The following APBA1 variants were observed in gnomAD, a reference collection of about 807,000 sequenced individuals.
The protein encoded by APBA1 is amyloid beta precursor protein binding family A member 1, also known as amyloid-beta A4 precursor protein-binding family A member 1.
Under a neutral mutation model 86.6 loss-of-function variants are expected in APBA1, and 55 were observed. The ratio of observed to expected loss-of-function variants is 0.64; its 90% CI spans 0.51 to 0.80. APBA1 has a LOEUF of 0.80. Ranked by LOEUF, APBA1 falls within the 30% of genes least tolerant of loss-of-function variation. APBA1 has a pLI of 0.00. For missense variants in APBA1, 1,090 were observed against 1,183.0 expected, an observed-to-expected ratio of 0.92 and a Z score of 1.15; for synonymous variants, 511 against 493.9, an observed-to-expected ratio of 1.03 and a Z score of -0.46.
chr9:69,653,408 C>T (rs1823547139), intron 1 of APBA1, among the ~76,000 whole-genome samples: 1 of 152,156 alleles, frequency 6.6e-6, no homozygotes, highest in African/African-American at 2.4e-5. Flanking sequence ...ATCATCCAGA[C>T]AGTAAATCAA....
chr9:69,627,211 C>G (rs1822950724), intron 1 of APBA1, among the ~76,000 whole-genome samples: 2 of 152,086 alleles, frequency 1.3e-5, no homozygotes, highest in African/African-American at 4.8e-5. Context: ...AAAAATTACA[C>G]TGTTTTTTCA....
chr9:69,442,845 C>A (rs1283630982), intron 10 of APBA1, among the ~76,000 whole-genome samples: 3 of 152,184 alleles, frequency 2.0e-5, no homozygotes, highest in Non-Finnish European at 4.4e-5. Context: ...GACATAGACA[C>A]AGATTGCTTT....
At chr9:69,642,657 TAGAG>T (rs1265757627) in intron 1 of APBA1, among the ~76,000 whole-genome samples, 1 of 151,812 alleles carries the variant, frequency 6.6e-6, no homozygotes, top group African/African-American at 2.4e-5. Flanking sequence ...TAGAGAGAGA[TAGAG>T]AGAAATAAAG....
At chr9:69,457,852 AAG>A (rs2133817013) in intron 6 of APBA1, among the ~76,000 whole-genome samples, 1 of 152,292 alleles carries the variant, frequency 6.6e-6, no homozygotes, top group African/African-American at 2.4e-5. Flanking sequence ...AAACAGACTC[AAG>A]TCCCTGCCAC....
Position 69,431,000 on chromosome 9 carries a change from G to A in APBA1, c.*327C>T. 1 of 262,156 alleles carries A rather than the reference G, an allele frequency of 3.8e-6. No individual in the cohort carries two copies. Among genetic ancestry groups the A allele is most frequent in the Non-Finnish European group, 7.2e-6 (1 of 139,306 alleles). The allele number at this position is 262,156 out of a possible 1,614,324, so 16.2% of individuals were successfully genotyped here. On this transcript the variant is annotated 3_prime_UTR_variant, in exon 13 of 13. Coordinates refer to ENST00000265381, the MANE Select transcript of APBA1 (RefSeq NM_001163.4). ...TTAAGAAGTCTGCACCTCCTGGGAA[G>A]GGAGGATTCTCCCTCAAGCAGTGAC...
intron 10 of APBA1, among the ~76,000 whole-genome samples, chr9:69,441,518 T>C (rs985006213): frequency 2.6e-5 from 4 of 152,246 alleles, no homozygotes; most frequent in African/African-American, 9.6e-5. Flanking sequence ...AAATGGACTT[T>C]TCTTCTGAAA....
intron 2 of APBA1, among the ~76,000 whole-genome samples, chr9:69,505,380 AGTGCAGT>A (rs1835942360): frequency 6.6e-6 from 1 of 152,096 alleles, no homozygotes; most frequent in Non-Finnish European, 1.5e-5. Context: ...AGGATGAGGA[AGTGCAGT>A]CTTCTCCATG....
At chr9:69,476,978 T>C (rs1475216017) in intron 2 of APBA1, among the ~76,000 whole-genome samples, 1 of 152,178 alleles carries the variant, frequency 6.6e-6, no homozygotes, top group African/African-American at 2.4e-5. Context: ...AGCACAGGGA[T>C]GGGACTGATA....
chr9:69,549,814 G>A (rs2133927052), intron 1 of APBA1, among the ~76,000 whole-genome samples: 1 of 152,308 alleles, frequency 6.6e-6, no homozygotes, highest in East Asian at 1.9e-4. Flanking sequence ...CTTACATTGG[G>A]ACAGAGGAGA....
intron 1 of APBA1, among the ~76,000 whole-genome samples, chr9:69,635,822 A>T (rs541701146): frequency 6.6e-6 from 1 of 152,294 alleles, no homozygotes; most frequent in African/African-American, 2.4e-5. Flanking sequence ...TGCACCCAAC[A>T]CTGAAAACTC....
At chr9:69,567,017 T>C (rs1375588437) in intron 1 of APBA1, among the ~76,000 whole-genome samples, 1 of 152,188 alleles carries the variant, frequency 6.6e-6, no homozygotes, top group African/African-American at 2.4e-5. Flanking sequence ...CTTGAATGAA[T>C]GGAGAAATAC....
chr9:69,519,013 T>C (rs536117967), intron 1 of APBA1, among the ~76,000 whole-genome samples: 108 of 152,350 alleles, frequency 7.1e-4, no homozygotes, highest in African/African-American at 2.5e-3. Context: ...GAACAATCTT[T>C]ATTGCTTCGC....
intron 1 of APBA1, among the ~76,000 whole-genome samples, chr9:69,587,244 T>G (rs1822039692): frequency 6.6e-6 from 1 of 152,018 alleles, no homozygotes; most frequent in African/African-American, 2.4e-5. Context: ...ATGGGTCACA[T>G]TCCTTTCATC....
intron 1 of APBA1, among the ~76,000 whole-genome samples, chr9:69,551,552 C>CAAAAA (rs34220920): frequency 7.6e-6 from 1 of 131,730 alleles, no homozygotes; most frequent in Non-Finnish European, 1.6e-5. Context: ...GACTCCGCCT[C>CAAAAA]AAAAAAAAAA....
intron 1 of APBA1, among the ~76,000 whole-genome samples, chr9:69,658,668 A>G (rs913233337): frequency 9.9e-5 from 15 of 151,462 alleles, no homozygotes; most frequent in African/African-American, 3.6e-4. Context: ...GCCTCCTAAA[A>G]TGCTAGGATT....
intron 1 of APBA1, among the ~76,000 whole-genome samples, chr9:69,543,399 T>G (rs1836650350): frequency 6.6e-6 from 1 of 152,032 alleles, no homozygotes; most frequent in Admixed American, 6.6e-5. Context: ...AGTAAAGCAT[T>G]ATAGGTCTGA....
rs556402495 is a variant in APBA1, at chr9:69,587,941, G to A, written c.-69-70662C>T. 2.8e-4 allele frequency among the ~76,000 whole-genome samples: 42 copies of A among 147,804 alleles called. 1 individual carries two copies. Among genetic ancestry groups the A allele is most frequent in the African/African-American group, 9.6e-4 (39 of 40,454 alleles). On this transcript the variant is annotated intron_variant, in intron 1 of 12. Coordinates refer to ENST00000265381, the MANE Select transcript of APBA1 (RefSeq NM_001163.4). The stretch of plus-strand genomic sequence containing the variant: ...CTCAGGAGGCTGAGGCAGGAGAATC[G>A]TTTGAACCCGGGAGGTGGAGGTTGC...
chr9:69,432,697 G>T lies in APBA1; in HGVS notation c.2302-21C>A, dbSNP rs1422413794. ...CAGATCTGCCAGAGTCAAAGGCAGA[G>T]TTACCCTCATTGCAGACAGTGCGGT... On this transcript the variant is annotated intron_variant, in intron 11 of 12. Transcript: ENST00000265381. 3 of 1,534,886 alleles carry T rather than the reference G, an allele frequency of 2.0e-6. No homozygotes were observed. In the South Asian group the frequency reaches 3.9e-5, roughly 20 times the overall value.
At chr9:69,671,611 A>C (rs1182990885) in intron 1 of APBA1, among the ~76,000 whole-genome samples, 1 of 152,122 alleles carries the variant, frequency 6.6e-6, no homozygotes, top group Non-Finnish European at 1.5e-5. Flanking sequence ...ACGTGGATGC[A>C]ACCACACGCG....
Sources: gnomAD v4.1 joint callset for allele counts (sites outside exome capture counted in the v4.1 genomes callset) on GRCh38, gnomAD v4.1.1 for gene constraint, MANE v1.5 for transcripts, NCBI Gene and HGNC (gene_info 2026-07-23, HGNC 2026-07-21) for gene names.